ANO1: variants seen among roughly 807,000 people sequenced by gnomAD.
ANO1 encodes the protein anoctamin-1.
In ANO1, 59 loss-of-function variants were observed where a neutral mutation model predicts 124.0. The observed-to-expected ratio is 0.48, with a 90% CI of 0.39 to 0.59. The LOEUF is 0.59. Ranked by LOEUF, ANO1 falls within the 20% of genes least tolerant of loss-of-function variation. The probability of loss-of-function intolerance (pLI) is 0.00; values close to 1 mark genes in which losing one functional copy is unlikely to be tolerated. For missense variants in ANO1, 1,059 were observed against 1,328.0 expected (o/e 0.80, Z 3.15); for synonymous variants, 529 against 532.0 (o/e 0.99, Z 0.08).
At chr11:70,165,395 G>A in intron 19 of ANO1, 75 bp from the exon 20 acceptor site, 5 of 1,263,684 alleles carry the variant, frequency 4.0e-6, no homozygotes, top group Non-Finnish European at 4.5e-6. Context: ...CAGCATGAGG[G>A]TGGGCCTCCC....
At chr11:70,042,172 C>G (rs138431268) in intron 1 of ANO1, among the ~76,000 whole-genome samples, 16 of 152,218 alleles carry the variant, frequency 1.1e-4, no homozygotes, top group Admixed American at 1.0e-3. Flanking sequence ...TTAATCTGTC[C>G]CTTCCCCAGC....
chr11:70,032,542 G>C (rs534274008), intron 1 of ANO1, among the ~76,000 whole-genome samples: 34 of 151,502 alleles, frequency 2.2e-4, no homozygotes, highest in African/African-American at 7.3e-4. Context: ...GAGAGGGGGG[G>C]GGTCTCTGAA....
chr11:70,063,033 G>A lies in ANO1; in HGVS notation c.59-15509G>A, dbSNP rs186185930. Among the ~76,000 whole-genome samples, 10 of 152,112 alleles carry A rather than the reference G, an allele frequency of 6.6e-5. 1 individual carries two copies. The South Asian group carries it at 1.9e-3, about 28-fold the overall frequency. ...CAACCTCTGCCTCCCGGGTTCAAGC[G>A]ATTCTCCTCCCTCAGCCTCTTGAGT... On this transcript the variant is annotated intron_variant, in intron 1 of 27. Transcript: ENST00000531349.
chr11:70,165,384 A>C, intron 19 of ANO1, 86 bp from the exon 20 acceptor site: 1 of 1,148,032 alleles, frequency 8.7e-7, no homozygotes. Flanking sequence ...AGGTCAACCC[A>C]CAGCATGAGG....
At chr11:70,088,526 A>AAAAAAAAG in intron 2 of ANO1, among the ~76,000 whole-genome samples, 1 of 93,404 alleles carries the variant, frequency 1.1e-5, no homozygotes, top group Admixed American at 1.1e-4. Flanking sequence ...AAAAAAAAAA[A>AAAAAAAAG]AAGAAGAAGA....
chr11:70,045,221 T>C (rs886316978), intron 1 of ANO1, among the ~76,000 whole-genome samples: 11 of 152,354 alleles, frequency 7.2e-5, no homozygotes, highest in African/African-American at 2.4e-4. Context: ...AATTTTTCTA[T>C]ATGTTTGGGA....
chr11:70,061,911 C>T (rs61886441), intron 1 of ANO1, among the ~76,000 whole-genome samples: 2,014 of 152,184 alleles, frequency 0.013, 17 homozygotes, highest in South Asian at 0.016. Flanking sequence ...GAGTAAACCA[C>T]AGGAAGTGTC....
intron 2 of ANO1, among the ~76,000 whole-genome samples, chr11:70,097,264 G>A (rs1428534486): frequency 6.6e-6 from 1 of 152,154 alleles, no homozygotes; most frequent in African/African-American, 2.4e-5. Context: ...ATCCACCCAC[G>A]GCTGCATTCC....
At chr11:70,069,534 G>C (rs148179922) in intron 1 of ANO1, among the ~76,000 whole-genome samples, 3 of 151,230 alleles carry the variant, frequency 2.0e-5, no homozygotes, top group Admixed American at 1.3e-4. Context: ...GAGCTTAAAG[G>C]GGGAGGAGGA....
intron 2 of ANO1, among the ~76,000 whole-genome samples, chr11:70,098,038 A>G (rs1180657098): frequency 6.6e-6 from 1 of 152,316 alleles, no homozygotes; most frequent in South Asian, 2.1e-4. Flanking sequence ...AAGCCTATTT[A>G]TGGCAGAGAA....
intron 1 of ANO1, among the ~76,000 whole-genome samples, chr11:70,080,277 C>G (rs934820633): frequency 6.6e-6 from 1 of 152,232 alleles, no homozygotes; most frequent in Admixed American, 6.5e-5. Flanking sequence ...CTCCAAGTCA[C>G]CCATCAGCTG....
chr11:70,156,892 G>C (rs1420535861), intron 15 of ANO1, 55 bp from the exon 16 acceptor site: 3 of 1,527,362 alleles, frequency 2.0e-6, no homozygotes, highest in South Asian at 2.3e-5. Flanking sequence ...CTGACACACA[G>C]AGATGTCTCA....
chr11:70,179,490 G>A (rs1044355688), intron 22 of ANO1, among the ~76,000 whole-genome samples: 1 of 152,184 alleles, frequency 6.6e-6, no homozygotes, highest in Admixed American at 6.5e-5. Context: ...CTGGGTCTTG[G>A]AGTAAAGGGA....
chr11:69,973,419 A>G, the ANO1 span, among the ~76,000 whole-genome samples: 2 of 152,302 alleles, frequency 1.3e-5, no homozygotes, highest in South Asian at 4.1e-4. Context: ...ATTGGCTGAC[A>G]TCTTCCACTT....
chr11:70,049,049 A>G (rs1270821393), intron 1 of ANO1, among the ~76,000 whole-genome samples: 1 of 152,114 alleles, frequency 6.6e-6, no homozygotes, highest in African/African-American at 2.4e-5. Flanking sequence ...GCAATTGCCA[A>G]TGATGCTGGC....
At chr11:70,106,710 A>C (rs541132638) in intron 5 of ANO1, among the ~76,000 whole-genome samples, 1 of 152,366 alleles carries the variant, frequency 6.6e-6, no homozygotes, top group African/African-American at 2.4e-5. Context: ...AGTCAGGCCT[A>C]ATAGTCATCA....
At chr11:69,997,195 G>T (rs1254584979) in intron 1 of ANO1, among the ~76,000 whole-genome samples, 1 of 152,164 alleles carries the variant, frequency 6.6e-6, no homozygotes, top group African/African-American at 2.4e-5. Flanking sequence ...AATAAGGATG[G>T]CTCCAAAGCA....
intron 25 of ANO1, among the ~76,000 whole-genome samples, chr11:70,186,615 CCCAGGCTAGGGTG>C (rs2049138947): frequency 6.6e-6 from 1 of 152,116 alleles, no homozygotes; most frequent in Non-Finnish European, 1.5e-5. Context: ...GGAGCGGGAC[CCCAGGCTAGGGTG>C]CCAGCTGTGC....
intron 1 of ANO1, among the ~76,000 whole-genome samples, chr11:70,059,348 C>CAAAAAAAAAAAA (rs1192273449): frequency 1.3e-5 from 1 of 75,102 alleles, no homozygotes; most frequent in Non-Finnish European, 2.4e-5. Context: ...GAGACACTGT[C>CAAAAAAAAAAAA]AAAAAAAAAA....
Sources: gnomAD v4.1 joint callset for allele counts (sites outside exome capture counted in the v4.1 genomes callset) on GRCh38, gnomAD v4.1.1 for gene constraint, MANE v1.5 for transcripts, NCBI Gene and HGNC (gene_info 2026-07-23, HGNC 2026-07-21) for gene names.